Variants in GTF2H2C observed in about 807,000 individuals in gnomAD.
GTF2H2C encodes the protein general transcription factor IIH subunit 2-like protein.
In GTF2H2C, 5 loss-of-function variants were observed where a neutral mutation model predicts 24.8. The observed-to-expected ratio is 0.20, with a 90% CI of 0.11 to 0.42. The LOEUF (loss-of-function observed/expected upper bound fraction) is 0.42, where lower values mean the gene tolerates loss of function less well. GTF2H2C is among the 20% of genes least tolerant of loss of function. GTF2H2C has a pLI of 1.00. For missense variants in GTF2H2C, 45 were observed against 169.8 expected (o/e 0.27, Z 4.08); for synonymous variants, 14 against 52.6 (o/e 0.27, Z 3.18).
chr5:69,572,944 C>T (rs1489994666), intron 9 of GTF2H2C: 1 of 64,562 alleles, frequency 1.5e-5, no homozygotes, highest in East Asian at 4.4e-4. Flanking sequence ...TGTCATATAT[C>T]TGTAAATTAA....
chr5:69,591,497 A>G (rs1255145924), intron 16 of GTF2H2C, among the ~76,000 whole-genome samples: 1 of 147,320 alleles, frequency 6.8e-6, no homozygotes, highest in Non-Finnish European at 1.5e-5. Flanking sequence ...TACTTCTGAG[A>G]TTTAGTGATT....
rs1434932952 is a variant in GTF2H2C, at chr5:69,560,236, G to A, written c.-299G>A. The A allele has an allele frequency of 6.6e-6, 1 of 152,390 alleles. No individual in the cohort carries two copies. The highest frequency in any genetic ancestry group is 2.4e-5 in the African/African-American group (1 of 41,532). The allele number at this position is 152,390 out of a possible 1,614,324, so 9.4% of individuals were successfully genotyped here. Reference sequence around the variant, plus strand: ...GTTTCCGGCTGAGAGTCCTTCTAGCGGCGCCGGTGAGTCCGCGTGTGGAAG... The same window carrying A: ...GTTTCCGGCTGAGAGTCCTTCTAGCAGCGCCGGTGAGTCCGCGTGTGGAAG... On this transcript the variant is annotated 5_prime_UTR_variant, in exon 1 of 17. Transcript: ENST00000380729.
chr5:69,573,145 T>C (rs192438152), intron 9 of GTF2H2C, among the ~76,000 whole-genome samples: 31,601 of 117,524 alleles, frequency 0.27, 3,985 homozygotes, highest in African/African-American at 0.38. Context: ...CTATTATATA[T>C]ACACACACAC....
Position 69,572,463 on chromosome 5 carries a change from T to A in GTF2H2C, c.383T>A (p.Ile128Lys), listed in dbSNP as rs774736257. The A allele has an allele frequency of 6.5e-7, 1 of 1,548,840 alleles. No individual in the cohort carries two copies. Among genetic ancestry groups the A allele is most frequent in the Admixed American group, 1.9e-5 (1 of 53,956 alleles). Residue 128 changes from isoleucine (I) to lysine (K), a missense_variant, in exon 9 of 17, where the codon ATA becomes AAA. Ile to Lys is a moderately radical substitution (Grantham distance 102, BLOSUM62 -3). Coordinates refer to ENST00000380729, the MANE Select transcript of GTF2H2C (RefSeq NM_001376000.2). Reference sequence around the variant, plus strand: ...ATTTTAGGAAACCCAAGAAAACATATAACGTCTTTGAAGGAAGCTGTGGAT... The same window carrying A: ...ATTTTAGGAAACCCAAGAAAACATAAAACGTCTTTGAAGGAAGCTGTGGAT... Reference protein sequence around the residue: ...TELSGNPRKHITSLKEAVDMT... With the variant: ...TELSGNPRKHKTSLKEAVDMT...
chr5:69,587,161 CAA>C (rs1328368095), intron 15 of GTF2H2C, among the ~76,000 whole-genome samples: 9 of 79,186 alleles, frequency 1.1e-4, no homozygotes, highest in Non-Finnish European at 7.4e-5. Context: ...GCCTGGGTAA[CAA>C]GAGCGAAACT....
At chr5:69,577,449 G>A (rs1207693009) in intron 9 of GTF2H2C, among the ~76,000 whole-genome samples, 3 of 138,852 alleles carry the variant, frequency 2.2e-5, no homozygotes, top group Non-Finnish European at 4.5e-5. Context: ...TTTTTGAGAC[G>A]GAGTCTCGCT....
At chr5:69,572,966 A>G (rs1222759569) in intron 9 of GTF2H2C, 1 of 86,924 alleles carries the variant, frequency 1.2e-5, no homozygotes, top group African/African-American at 4.6e-5. Context: ...AGATATGGCA[A>G]GTTCAGCTAT....
In GTF2H2C at chr5:69,560,289, C is replaced by G. The variant is rs4081993; in HGVS notation, c.-246C>G. 6.6e-6 allele frequency: 1 copy of G among 152,096 alleles called. No homozygotes were observed. The highest frequency in any genetic ancestry group is 1.5e-5 in the Non-Finnish European group (1 of 68,164). The allele number at this position is 152,096 out of a possible 1,614,324, so 9.4% of individuals were successfully genotyped here. On this transcript the variant is annotated 5_prime_UTR_variant, in exon 1 of 17. Coordinates refer to ENST00000380729, the MANE Select transcript of GTF2H2C (RefSeq NM_001376000.2). ...TGTGAGGCGCAGAGGTGGGGCAGGC[C>G]GTCTGACTAGCTAGGCGGCTGGGAG...
chr5:69,566,318 A>T (rs1174906489), intron 4 of GTF2H2C, 110 bp downstream of exon 4: 2 of 1,467,574 alleles, frequency 1.4e-6, no homozygotes, highest in African/African-American at 2.8e-5. Flanking sequence ...AGGGAAACTG[A>T]CCTATTGCCT....
At chr5:69,574,937 T>C (rs1227911899) in intron 9 of GTF2H2C, among the ~76,000 whole-genome samples, 1 of 11,120 alleles carries the variant, frequency 9.0e-5, no homozygotes, top group African/African-American at 2.1e-4. Flanking sequence ...TAGCAAGACC[T>C]CCATCTCTAC....
At chr5:69,564,067 C>A (rs1304448948) in intron 2 of GTF2H2C, among the ~76,000 whole-genome samples, 1 of 151,050 alleles carries the variant, frequency 6.6e-6, no homozygotes, top group Non-Finnish European at 1.5e-5. Flanking sequence ...TGAGCCATTG[C>A]GTTGGGCCTC....
rs1309812737 is a variant in GTF2H2C, at chr5:69,594,507, G to A, written c.*2309G>A. The stretch of plus-strand genomic sequence containing the variant: ...TCAGAGTAACGGGAGTTTCTCTCAG[G>A]AGTCATACTCCATGAGCCTGGACCC... On this transcript the variant is annotated 3_prime_UTR_variant, in exon 17 of 17. Coordinates refer to ENST00000380729, the MANE Select transcript of GTF2H2C (RefSeq NM_001376000.2). 6.8e-6 allele frequency: 1 copy of A among 147,622 alleles called. No homozygotes were observed. The highest frequency in any genetic ancestry group is 6.9e-5 in the Admixed American group (1 of 14,394). The allele number at this position is 147,622 out of a possible 1,614,324, so 9.1% of individuals were successfully genotyped here.
chr5:69,590,087 G>A (rs1183524817), intron 15 of GTF2H2C, among the ~76,000 whole-genome samples: 1 of 150,742 alleles, frequency 6.6e-6, no homozygotes, highest in Non-Finnish European at 1.5e-5. Context: ...GTTTCGCCAC[G>A]TTGGCCAGGC....
At chr5:69,589,535 TAGG>T (rs1267896875) in intron 15 of GTF2H2C, among the ~76,000 whole-genome samples, 1 of 22,328 alleles carries the variant, frequency 4.5e-5, no homozygotes, top group Admixed American at 4.2e-4. Flanking sequence ...GAAGCCAAGA[TAGG>T]AGGATTGCTT....
At chr5:69,568,302 A>C in intron 8 of GTF2H2C, 95 bp downstream of exon 8, 1 of 372,794 alleles carries the variant, frequency 2.7e-6, no homozygotes, top group East Asian at 5.5e-5. Context: ...AAGTAACGTG[A>C]AGGGTGGTTC....
At chr5:69,591,564 T>C (rs1368106478) in intron 16 of GTF2H2C, among the ~76,000 whole-genome samples, 2 of 152,082 alleles carry the variant, frequency 1.3e-5, no homozygotes, top group African/African-American at 4.8e-5. Flanking sequence ...CAAGTACTCA[T>C]ATATGTAATG....
chr5:69,591,468 T>A (rs534374487), intron 16 of GTF2H2C, among the ~76,000 whole-genome samples: 2 of 151,022 alleles, frequency 1.3e-5, no homozygotes, highest in African/African-American at 4.9e-5. Context: ...CTTTTTTTTT[T>A]TTTTTATTCA....
At chr5:69,561,665 A>G (rs1418492293) in intron 1 of GTF2H2C, among the ~76,000 whole-genome samples, 1 of 149,850 alleles carries the variant, frequency 6.7e-6, no homozygotes, top group Non-Finnish European at 1.5e-5. Context: ...TATTTTATTT[A>G]TTTTGAGATA....
chr5:69,568,426 A>C (rs1770881538), intron 8 of GTF2H2C: 1 of 509,624 alleles, frequency 2.0e-6, no homozygotes, highest in South Asian at 3.1e-5. Flanking sequence ...AAATAATACT[A>C]CATTGAATAT....
Sources: gnomAD v4.1 joint callset for allele counts (sites outside exome capture counted in the v4.1 genomes callset) on GRCh38, gnomAD v4.1.1 for gene constraint, MANE v1.5 for transcripts, NCBI Gene and HGNC (gene_info 2026-07-23, HGNC 2026-07-21) for gene names.